Variants in PFAS observed in about 807,000 individuals in gnomAD.
PFAS encodes the protein phosphoribosylformylglycinamidine synthase.
A neutral mutation model predicts 140.6 loss-of-function variants in PFAS; 97 were observed. The observed-to-expected ratio is 0.69, with a 90% CI of 0.59 to 0.82. PFAS has a LOEUF of 0.82. Ranked by LOEUF, PFAS falls within the 40% of genes least tolerant of loss-of-function variation. The pLI is 0.00. For missense variants in PFAS, 1,656 were observed against 1,780.2 expected (o/e 0.93, Z 1.26); for synonymous variants, 679 against 718.8 (o/e 0.94, Z 0.88).
rs374736416 is a variant in PFAS at position 8,267,392 on chromosome 17, G to A, written c.3196G>A (p.Ala1066Thr). 2.5e-5 allele frequency: 40 copies of A among 1,613,932 alleles called. No individual in the cohort carries two copies. The highest frequency in any genetic ancestry group is 1.7e-4 in the African/African-American group (13 of 74,930). Reference protein sequence around the residue: ...REPGGPSPRVAILREEGSNGD... With the variant: ...REPGGPSPRVTILREEGSNGD... ...CCAAGGTGGTCCCAGCCCCCGAGTCGCCATCTTGCGAGAGGAGGGCAGTAA... is the reference window on the plus strand; with the variant it reads ...CCAAGGTGGTCCCAGCCCCCGAGTCACCATCTTGCGAGAGGAGGGCAGTAA... Residue 1066 changes from alanine to threonine, a missense_variant, in exon 25 of 28, where the codon GCC becomes ACC. By Grantham distance (58) the Ala-to-Thr change is moderately conservative (BLOSUM62 0). Transcript: ENST00000314666. This position sits in a 1 kb window ranked among gnomAD's most constrained non-coding sequence, Gnocchi z 4.9.
intron 9 of PFAS, among the ~76,000 whole-genome samples, chr17:8,257,282 C>T (rs925054877): frequency 2.6e-4 from 40 of 152,260 alleles, no homozygotes; most frequent in African/African-American, 8.7e-4. Context: ...CTTGGCTGGG[C>T]GTGGTGGCTC....
chr17:8,251,148 T>C (rs976177978), intron 1 of PFAS, among the ~76,000 whole-genome samples: 1 of 152,118 alleles, frequency 6.6e-6, no homozygotes, highest in Non-Finnish European at 1.5e-5. Context: ...TAGCTGGTCA[T>C]GGTGGTGTGC....
At chr17:8,248,062 A>T (rs1385519668), upstream of PFAS, 2 of 467,724 alleles carry the variant, frequency 4.3e-6, no homozygotes, top group Non-Finnish European at 5.8e-6. Flanking sequence ...CGCCCCCGGG[A>T]GGGGCAGGTG....
At position 8,264,490 on chromosome 17, in the gene PFAS, G is replaced by A. The variant is rs375728333; in HGVS notation, c.1938G>A (p.Lys646=). 97 of 1,613,606 alleles carry A rather than the reference G, an allele frequency of 6.0e-5. No individual in the cohort carries two copies. The highest frequency in any genetic ancestry group is 8.0e-5 in the Non-Finnish European group (94 of 1,179,936). ...MPRKEFFLQR[K]PPMLQPLALP... ...TGCAGGAGTTCTTCCTGCAGAGGAA[G>A]CCCCCCATGCTGCAGCCTCTGGCCT... Residue 646 remains lysine, a synonymous_variant, in exon 17 of 28, where the codon AAG becomes AAA. Coordinates refer to ENST00000314666, the MANE Select transcript of PFAS (RefSeq NM_012393.3).
chr17:8,256,257 C>T lies in PFAS; in HGVS notation c.681-10C>T. ...CACCTGCCTTCCCCTCCCTGCATCG[C>T]CCCCTGCAGCGAGCACAGCCGACAC... On this transcript the variant is annotated splice_polypyrimidine_tract_variant and intron_variant, in intron 6 of 27. Coordinates refer to ENST00000314666, the MANE Select transcript of PFAS (RefSeq NM_012393.3). 2 of 1,613,016 alleles carry T rather than the reference C, an allele frequency of 1.2e-6. No homozygotes were observed. The highest frequency in any genetic ancestry group is 1.7e-6 in the Non-Finnish European group (2 of 1,179,522).
At chr17:8,249,846 ATTG>A (rs1989079508) in intron 1 of PFAS, among the ~76,000 whole-genome samples, 1 of 152,178 alleles carries the variant, frequency 6.6e-6, no homozygotes, top group Non-Finnish European at 1.5e-5. Flanking sequence ...AAGCCCTGGT[ATTG>A]TTCTAAGCCT....
Position 8,267,357 on chromosome 17 carries a change from T to A in PFAS, c.3176-15T>A, listed in dbSNP as rs1221228044. On this transcript the variant is annotated splice_polypyrimidine_tract_variant and intron_variant, in intron 24 of 27. Coordinates refer to ENST00000314666, the MANE Select transcript of PFAS (RefSeq NM_012393.3). The surrounding 1 kb of genome is among the most constrained non-coding windows in gnomAD (Gnocchi z 4.9). ...AAGTGACTTTCTGGCCCAAAGACAC[T>A]TATTCTCCCCCAAGGTGGTCCCAGC... 1.2e-6 allele frequency: 2 copies of A among 1,612,428 alleles called. No individual in the cohort carries two copies. Among genetic ancestry groups the A allele is most frequent in the Admixed American group, 3.3e-5 (2 of 60,002 alleles).
rs1356054087 is a variant in PFAS at position 8,267,248 on chromosome 17, G to T, written c.3175+13G>T. Reference sequence around the variant, plus strand: ...CCCCGTGAGCCTGGTGAGGGAGTGTGTGCAGAGGCTCCGCGTCCTGGGGGC... The same window carrying T: ...CCCCGTGAGCCTGGTGAGGGAGTGTTTGCAGAGGCTCCGCGTCCTGGGGGC... On this transcript the variant is annotated intron_variant, in intron 24 of 27. Coordinates refer to ENST00000314666, the MANE Select transcript of PFAS (RefSeq NM_012393.3). The surrounding 1 kb of genome is among the most constrained non-coding windows in gnomAD (Gnocchi z 4.9). 3 of 1,604,108 alleles carry T rather than the reference G, an allele frequency of 1.9e-6. No homozygotes were observed. Among genetic ancestry groups the T allele is most frequent in the South Asian group, 2.2e-5 (2 of 90,718 alleles).
In PFAS at chr17:8,256,338, T is replaced by G. The variant is rs768167913; in HGVS notation, c.752T>G (p.Phe251Cys). 3 of 1,613,764 alleles carry G rather than the reference T, an allele frequency of 1.9e-6. No homozygotes were observed. The highest frequency in any genetic ancestry group is 2.5e-6 in the Non-Finnish European group (3 of 1,179,840). Residue 251 changes from phenylalanine (F) to cysteine (C), a missense_variant, in exon 7 of 28, where the codon TTT becomes TGT. By Grantham distance (205) the Phe-to-Cys change is radical (BLOSUM62 -2). This residue lies in a region of PFAS where 773 missense variants were observed against 757.3 expected (regional missense o/e 1.02). Transcript: ENST00000314666. ...GGGCAGAAGCTGGTGCACTCACTGT[T>G]TGAGTCCATCATGAGCACCCAGGAA... ...VDGQKLVHSL[F>C]ESIMSTQESS...
rs1210781106 is a variant in PFAS at position 8,254,296 on chromosome 17, G to T, written c.273G>T (p.Gly91=). The T allele has an allele frequency of 1.2e-6, 2 of 1,613,922 alleles. No individual in the cohort carries two copies. The highest frequency in any genetic ancestry group is 1.3e-5 in the African/African-American group (1 of 74,910). Residue 91 remains glycine (G), a synonymous_variant, in exon 3 of 28, where the codon GGG becomes GGT. Transcript: ENST00000314666. ...PGSNDLLLEV[G]PRLNFSTPTS... ...CCAATGACCTGCTGCTGGAGGTCGG[G>T]CCCAGGTAAGTATCTCATCCTGCCC...
At position 8,255,905 on chromosome 17, in the gene PFAS, C is replaced by T; in HGVS notation, c.675C>T (p.Ser225=). ...STVEAFDLAQ[S]NSEHSRHWFF... is the part of the protein sequence containing the mutation. ...TGGAGGCCTTTGACTTGGCGCAGTCCAATAGGTGAGGAGAAATGGGGTTGT... is the reference window on the plus strand; with the variant it reads ...TGGAGGCCTTTGACTTGGCGCAGTCTAATAGGTGAGGAGAAATGGGGTTGT... Residue 225 remains serine, a synonymous_variant, in exon 6 of 28, where the codon TCC becomes TCT. Coordinates refer to ENST00000314666, the MANE Select transcript of PFAS (RefSeq NM_012393.3). 1 of 1,610,236 alleles carries T rather than the reference C, an allele frequency of 6.2e-7. No homozygotes were observed. The highest frequency in any genetic ancestry group is 2.2e-5 in the East Asian group (1 of 44,864).
At chr17:8,260,565 CT>C (rs1989551459) in intron 11 of PFAS, among the ~76,000 whole-genome samples, 1 of 152,218 alleles carries the variant, frequency 6.6e-6, no homozygotes, top group African/African-American at 2.4e-5. Context: ...GTTGTTTCAG[CT>C]TTTTAGCTAT....
At position 8,265,077 on chromosome 17, in the gene PFAS, G is replaced by A. The variant is rs753678281; in HGVS notation, c.2232G>A (p.Val744=). Residue 744 remains valine (V), a synonymous_variant, in exon 18 of 28, where the codon GTG becomes GTA. Coordinates refer to ENST00000314666, the MANE Select transcript of PFAS (RefSeq NM_012393.3). ...LDPKVAARLA[V]AEALTNLVFA... ...CAAAAGTCGCCGCCCGGCTGGCCGT[G>A]GCCGAAGCCCTCACCAACCTGGTGT... is the stretch of plus-strand genomic sequence containing the variant. The A allele has an allele frequency of 4.8e-5, 78 of 1,613,258 alleles. No homozygotes were observed. Among genetic ancestry groups the A allele is most frequent in the Middle Eastern group, 1.6e-4 (1 of 6,084 alleles).
At position 8,255,105 on chromosome 17, in the gene PFAS, G is replaced by A; in HGVS notation, c.357G>A (p.Val119=). The change falls in exon 4 of 28, where the codon GTG becomes GTA. Residue 119 remains valine (V), a synonymous_variant. Transcript: ENST00000314666. ...RATGLGPVDR[V]ETTRRYRLSF... is the part of the protein sequence containing the mutation. The stretch of plus-strand genomic sequence containing the variant: ...CTGGGCTGGGGCCTGTGGATCGTGT[G>A]GAGACCACCCGGCGCTACCGGCTCT... The A allele has an allele frequency of 6.2e-7, 1 of 1,613,426 alleles. No individual in the cohort carries two copies. The highest frequency in any genetic ancestry group is 8.5e-7 in the Non-Finnish European group (1 of 1,179,718).
chr17:8,260,812 G>A (rs1224696901), intron 11 of PFAS, among the ~76,000 whole-genome samples: 1 of 152,142 alleles, frequency 6.6e-6, no homozygotes. Context: ...TTTTAGCAGA[G>A]ACGGGGTTTT....
chr17:8,268,925 C>T (rs762600086), intron 27 of PFAS, 29 bp from the exon 28 acceptor site: 2 of 1,613,040 alleles, frequency 1.2e-6, no homozygotes, highest in Non-Finnish European at 1.7e-6. Flanking sequence ...AGGACCTTGG[C>T]TCTCACTTCC....
At chr17:8,264,804 C>T in intron 17 of PFAS, 91 bp from the exon 18 acceptor site, 1 of 1,043,502 alleles carries the variant, frequency 9.6e-7, no homozygotes, top group Non-Finnish European at 1.4e-6. Context: ...AAAGACAGGC[C>T]TCCCACTGCC....
chr17:8,264,635 C>G, intron 17 of PFAS, 34 bp downstream of exon 17: 1 of 1,566,372 alleles, frequency 6.4e-7, no homozygotes, highest in Non-Finnish European at 8.7e-7. Flanking sequence ...CCCCCTGCCT[C>G]CTTCCTCCGC....
intron 18 of PFAS, 71 bp from the exon 19 acceptor site, chr17:8,265,217 C>A: frequency 1.3e-6 from 2 of 1,573,180 alleles, no homozygotes; most frequent in Non-Finnish European, 1.7e-6. Context: ...TTGCAACCTC[C>A]CAGTCCGCCT....
Sources: gnomAD v4.1 joint callset for allele counts (sites outside exome capture counted in the v4.1 genomes callset) on GRCh38, gnomAD v4.1.1 for gene constraint, gnomAD v4.1.1 regional missense constraint, Gnocchi (gnomAD v3.1) non-coding constraint, MANE v1.5 for transcripts, NCBI Gene and HGNC (gene_info 2026-07-23, HGNC 2026-07-21) for gene names.